The following C2 variants were observed in gnomAD, a reference collection of about 807,000 sequenced individuals.
C2 encodes complement C2, also known as C3/C5 convertase.
A neutral mutation model predicts 85.2 loss-of-function variants in C2; 64 were observed. The observed-to-expected ratio is 0.75, with a 90% CI of 0.61 to 0.92. The LOEUF is 0.92. C2 is among the 40% of genes least tolerant of loss of function. The pLI, the probability that C2 is intolerant of heterozygous loss-of-function variation, is 0.00. For missense variants in C2, 820 were observed against 971.6 expected, an observed-to-expected ratio of 0.84 and a Z score of 2.07; for synonymous variants, 311 against 370.8, an observed-to-expected ratio of 0.84 and a Z score of 1.85.
intron 8 of C2, among the ~76,000 whole-genome samples, chr6:31,938,145 G>A (rs1770572171): frequency 6.6e-6 from 1 of 152,142 alleles, no homozygotes; most frequent in South Asian, 2.1e-4. Context: ...TTGCCTGTGT[G>A]AAAGTGCTCT....
chr6:31,899,250 TC>T (rs1171911362), upstream of C2, among the ~76,000 whole-genome samples: 1 of 141,756 alleles, frequency 7.1e-6, no homozygotes, highest in Non-Finnish European at 1.5e-5. Context: ...AAGTGCCCTA[TC>T]CCCCCCACCC....
intron 5 of C2, 98 bp downstream of exon 5, chr6:31,934,063 G>T: frequency 6.4e-7 from 1 of 1,556,750 alleles, no homozygotes; most frequent in Middle Eastern, 1.8e-4. Flanking sequence ...AGCCTTGGTG[G>T]GCTCAGCCAC....
chr6:31,930,869 T>A (rs1769682012), intron 3 of C2, among the ~76,000 whole-genome samples: 1 of 152,260 alleles, frequency 6.6e-6, no homozygotes, highest in Non-Finnish European at 1.5e-5. Context: ...TTACCTATTG[T>A]AAAATGTACA....
At position 31,945,329 on chromosome 6, in the gene C2, G is replaced by T. The variant is rs1310697033; in HGVS notation, c.2231G>T (p.Gly744Val). 1.2e-6 allele frequency: 2 copies of T among 1,612,950 alleles called. No homozygotes were observed. Among genetic ancestry groups the T allele is most frequent in the South Asian group, 2.2e-5 (2 of 91,072 alleles). The change falls in exon 18 of 18, where the codon GGG becomes GTG. Residue 744 changes from glycine to valine, a missense_variant. Gly to Val is a moderately radical substitution (Grantham distance 109). Transcript: ENST00000299367. The surrounding 1 kb of genome is among the most constrained non-coding windows in gnomAD (Gnocchi z 5.3). ...RMQPWLRQHL[G>V]DVLNFLPL is the part of the protein sequence containing the mutation. ...CAGCCCTGGCTGAGGCAGCACCTGG[G>T]GGATGTCCTGAATTTTTTACCCCTC...
At chr6:31,938,406 G>A (rs927703847) in intron 8 of C2, among the ~76,000 whole-genome samples, 3 of 151,192 alleles carry the variant, frequency 2.0e-5, no homozygotes, top group African/African-American at 7.3e-5. Flanking sequence ...CTGGCCTGGT[G>A]CCTGGAATGT....
upstream of C2, among the ~76,000 whole-genome samples, chr6:31,918,613 A>G (rs958656972): frequency 4.0e-5 from 6 of 150,692 alleles, no homozygotes; most frequent in Non-Finnish European, 7.4e-5. Flanking sequence ...AAAAAAAAAA[A>G]TCCTGGCTGG....
chr6:31,908,780 A>G (rs1227769121), intron 1 of C2, among the ~76,000 whole-genome samples: 15 of 152,174 alleles, frequency 9.9e-5, no homozygotes, highest in East Asian at 1.9e-4. Context: ...ACAACTCACT[A>G]AAGACTCAGA....
intron 3 of C2, among the ~76,000 whole-genome samples, chr6:31,930,140 G>A (rs2151744624): frequency 6.6e-6 from 1 of 150,524 alleles, no homozygotes; most frequent in African/African-American, 2.4e-5. Flanking sequence ...GGAGTGCAAT[G>A]GCGCAATCTC....
rs1770118844 is a variant in C2 at position 31,933,659 on chromosome 6, C to T, written c.492C>T (p.Gly164=). ...PGISLGAVRT[G]FRFGHGDKVR... is the part of the protein sequence containing the mutation. ...TTTCACTGGGCGCAGTGCGGACAGG[C>T]TTCCGCTTTGGTCATGGGGACAAGG... The change falls in exon 4 of 18, where the codon GGC becomes GGT. Residue 164 remains glycine (G), a synonymous_variant. Transcript: ENST00000299367. 1 of 1,613,162 alleles carries T rather than the reference C, an allele frequency of 6.2e-7. No individual in the cohort carries two copies. The highest frequency in any genetic ancestry group is 1.1e-5 in the South Asian group (1 of 91,090).
chr6:31,912,009 G>A (rs972460712), intron 1 of C2, among the ~76,000 whole-genome samples: 3 of 147,504 alleles, frequency 2.0e-5, no homozygotes, highest in African/African-American at 7.5e-5. Flanking sequence ...GGGCTCAAGC[G>A]ATCCGCCCAC....
chr6:31,907,435 T>A lies in C2; in HGVS notation c.73+6296T>A, dbSNP rs1336793653. 1.1e-4 allele frequency among the ~76,000 whole-genome samples: 16 copies of A among 148,070 alleles called. No individual in the cohort carries two copies. The East Asian group carries it at 2.8e-3, about 26-fold the overall frequency. ...AACCCAGTCTCAGAAAAAAAAAAAATAGCTGTGGGAGGTGGTGTTGCCTGT... is the reference window on the plus strand; with the variant it reads ...AACCCAGTCTCAGAAAAAAAAAAAAAAGCTGTGGGAGGTGGTGTTGCCTGT... On this transcript the variant is annotated intron_variant, in intron 1 of 3. Coordinates refer to the C2 transcript ENST00000452202.
At chr6:31,934,014 G>A in intron 5 of C2, 49 bp downstream of exon 5, 1 of 1,575,182 alleles carries the variant, frequency 6.3e-7, no homozygotes, top group Non-Finnish European at 8.7e-7. Flanking sequence ...CTGGATCTGG[G>A]CCGGAGCAAG....
In C2 at chr6:31,933,862, C is replaced by A. The variant is rs1374920462; in HGVS notation, c.617-5C>A. 1.9e-6 allele frequency: 3 copies of A among 1,613,854 alleles called. No homozygotes were observed. Among genetic ancestry groups the A allele is most frequent in the Non-Finnish European group, 2.5e-6 (3 of 1,179,926 alleles). Reference sequence around the variant, plus strand: ...CGGCTGACTCCTGTGTGGCTCTCCCCACAGAACCCTACTCTTATGACTTCC... The same window carrying A: ...CGGCTGACTCCTGTGTGGCTCTCCCAACAGAACCCTACTCTTATGACTTCC... On this transcript the variant is annotated splice_region_variant and splice_polypyrimidine_tract_variant and intron_variant, in intron 4 of 17. Coordinates refer to ENST00000299367, the MANE Select transcript of C2 (RefSeq NM_000063.6).
chr6:31,945,571 C>T lies in C2; in HGVS notation c.*214C>T. The T allele has an allele frequency of 1.7e-6, 1 of 605,604 alleles. No individual in the cohort carries two copies. Among genetic ancestry groups the T allele is most frequent in the Non-Finnish European group, 3.0e-6 (1 of 338,666 alleles). The allele number at this position is 605,604 out of a possible 1,614,324, so 37.5% of individuals were successfully genotyped here. A position where few individuals can be genotyped will look rare whatever the true frequency, so the allele number is the denominator to read the frequency against. On this transcript the variant is annotated 3_prime_UTR_variant, in exon 18 of 18. Coordinates refer to ENST00000299367, the MANE Select transcript of C2 (RefSeq NM_000063.6). The surrounding 1 kb of genome is among the most constrained non-coding windows in gnomAD (Gnocchi z 5.3). Reference sequence around the variant, plus strand: ...CGCTGCCCCACCTCCCGCTCCTTGGCCTGTCCCCAGATTCCTTCCCTGGTT... The same window carrying T: ...CGCTGCCCCACCTCCCGCTCCTTGGTCTGTCCCCAGATTCCTTCCCTGGTT...
chr6:31,942,114 C>T lies in C2; in HGVS notation c.1220-845C>T, dbSNP rs144505411. ...TACAGGTGTGAGCCACCGTGCCCGG[C>T]TCACCTCTTCTTTTTTTTTTTTTGA... On this transcript the variant is annotated intron_variant, in intron 9 of 17. Coordinates refer to ENST00000299367, the MANE Select transcript of C2 (RefSeq NM_000063.6). Among the ~76,000 whole-genome samples, 487 of 148,992 alleles carry T rather than the reference C, an allele frequency of 3.3e-3. 1 individual carries two copies. The highest frequency in any genetic ancestry group is 5.6e-3 in the Non-Finnish European group (380 of 67,424).
Position 31,943,419 on chromosome 6 carries a change from A to C in C2, c.1459A>C (p.Lys487Gln). 1 of 1,612,998 alleles carries C rather than the reference A, an allele frequency of 6.2e-7. No homozygotes were observed. The highest frequency in any genetic ancestry group is 8.5e-7 in the Non-Finnish European group (1 of 1,179,954). Residue 487 changes from lysine (K) to glutamine (Q), a missense_variant, in exon 12 of 18, where the codon AAG becomes CAG. Transcript: ENST00000299367. The surrounding 1 kb of genome is among the most constrained non-coding windows in gnomAD (Gnocchi z 6.4). ...AAAATCACCTGTTCCCCTGCAGCCC[A>C]AGAGCCAAGAGACCTGCCGGGGGGC... Reference protein sequence around the residue: ...RTPWHVTIKPKSQETCRGALI... With the variant: ...RTPWHVTIKPQSQETCRGALI...
At chr6:31,941,311 C>G (rs994652967) in intron 9 of C2, 2 of 152,188 alleles carry the variant, frequency 1.3e-5, no homozygotes, top group African/African-American at 2.4e-5. Flanking sequence ...GGGAAGAATT[C>G]TTTCCTGCCT....
chr6:31,938,481 C>CATATATATAT (rs28993458), intron 8 of C2, among the ~76,000 whole-genome samples: 49 of 142,988 alleles, frequency 3.4e-4, no homozygotes, highest in Admixed American at 5.7e-4. Context: ...TGTATACATA[C>CATATATATAT]ATATATATAT....
At chr6:31,913,759 G>A (rs892041953) in intron 1 of C2, among the ~76,000 whole-genome samples, 2 of 151,810 alleles carry the variant, frequency 1.3e-5, no homozygotes, top group Admixed American at 6.6e-5. Context: ...CAATTCTCCC[G>A]CCTCAGGCTC....
Sources: gnomAD v4.1 joint callset for allele counts (sites outside exome capture counted in the v4.1 genomes callset) on GRCh38, gnomAD v4.1.1 for gene constraint, Gnocchi (gnomAD v3.1) non-coding constraint, MANE v1.5 for transcripts, NCBI Gene and HGNC (gene_info 2026-07-23, HGNC 2026-07-21) for gene names.